The following APBB1IP variants were observed in gnomAD, a reference collection of about 807,000 sequenced individuals.
APBB1IP encodes amyloid beta A4 precursor protein-binding family B member 1-interacting protein.
A neutral mutation model predicts 64.9 loss-of-function variants in APBB1IP; 27 were observed. The observed-to-expected ratio is 0.42, with a 90% CI of 0.31 to 0.57. APBB1IP has a LOEUF of 0.57. Among genes scored for constraint, APBB1IP ranks in the 20% least tolerant of loss-of-function variants. APBB1IP has a pLI of 0.20. For synonymous variants in APBB1IP, 392 were observed against 331.0 expected, an observed-to-expected ratio of 1.18 and a Z score of -2.00; for missense variants, 812 against 845.5, an observed-to-expected ratio of 0.96 and a Z score of 0.49.
At chr10:26,464,808 A>G (rs1478645022) in intron 2 of APBB1IP, among the ~76,000 whole-genome samples, 2 of 152,234 alleles carry the variant, frequency 1.3e-5, no homozygotes, top group South Asian at 2.1e-4. Context: ...AGTAGTTAGC[A>G]TTGAACCTGA....
chr10:26,516,292 C>T (rs911957861), intron 8 of APBB1IP, among the ~76,000 whole-genome samples: 3 of 151,912 alleles, frequency 2.0e-5, no homozygotes, highest in South Asian at 4.2e-4. Flanking sequence ...CGGTGGCTCC[C>T]GCCTGTAATC....
chr10:26,537,163 C>A (rs1337481208), intron 10 of APBB1IP, among the ~76,000 whole-genome samples: 3 of 141,086 alleles, frequency 2.1e-5, no homozygotes, highest in African/African-American at 7.4e-5. Context: ...TAGGACCTTT[C>A]CGTCTTTTGT....
At chr10:26,566,521 T>A (rs906481741) in intron 14 of APBB1IP, among the ~76,000 whole-genome samples, 2 of 152,172 alleles carry the variant, frequency 1.3e-5, no homozygotes, top group Admixed American at 6.5e-5. Flanking sequence ...CCCAAAGTGC[T>A]GAGATTATAG....
intron 8 of APBB1IP, among the ~76,000 whole-genome samples, chr10:26,532,728 A>G (rs956294823): frequency 6.6e-6 from 1 of 152,102 alleles, no homozygotes; most frequent in African/African-American, 2.4e-5. Context: ...GGGTTCAAAC[A>G]ATCCTCCTGC....
At chr10:26,547,672 T>A (rs1166356525) in intron 11 of APBB1IP, among the ~76,000 whole-genome samples, 1 of 152,174 alleles carries the variant, frequency 6.6e-6, no homozygotes, top group African/African-American at 2.4e-5. Context: ...CTCGAACCCC[T>A]GACTTCAGGT....
intron 6 of APBB1IP, among the ~76,000 whole-genome samples, chr10:26,506,860 T>C (rs908528977): frequency 6.6e-6 from 1 of 151,936 alleles, no homozygotes; most frequent in Non-Finnish European, 1.5e-5. Flanking sequence ...GAAGAAGTGA[T>C]AGAGAGTACC....
chr10:26,492,953 G>A lies in APBB1IP; in HGVS notation c.72+555G>A, dbSNP rs978278750. On this transcript the variant is annotated intron_variant, in intron 3 of 14. Coordinates refer to ENST00000376236, the MANE Select transcript of APBB1IP (RefSeq NM_019043.4). The stretch of plus-strand genomic sequence containing the variant: ...TCCTAGCAACCCTGGGGGCGCTGCA[G>A]GAGGCCAGGGCATGTTTCATCCGTT... Among the ~76,000 whole-genome samples, 7 of 152,202 alleles carry A rather than the reference G, an allele frequency of 4.6e-5. No homozygotes were observed. The East Asian group carries it at 1.3e-3, about 29-fold the overall frequency.
At chr10:26,509,958 T>G (rs2132444490) in intron 6 of APBB1IP, among the ~76,000 whole-genome samples, 1 of 152,254 alleles carries the variant, frequency 6.6e-6, no homozygotes, top group African/African-American at 2.4e-5. Flanking sequence ...TAAGATCTTT[T>G]TTGTTGTTGT....
At chr10:26,458,221 C>T (rs1031315687) in intron 2 of APBB1IP, among the ~76,000 whole-genome samples, 1 of 152,176 alleles carries the variant, frequency 6.6e-6, no homozygotes, top group Non-Finnish European at 1.5e-5. Flanking sequence ...AACCGCGTCT[C>T]TATTGAAAAT....
chr10:26,527,984 G>A (rs145422021), intron 8 of APBB1IP, among the ~76,000 whole-genome samples: 81 of 152,182 alleles, frequency 5.3e-4, no homozygotes, highest in African/African-American at 1.6e-3. Context: ...GAGCCGCTGC[G>A]CCTGGCCCCA....
intron 6 of APBB1IP, among the ~76,000 whole-genome samples, chr10:26,504,776 G>A (rs1356558860): frequency 1.3e-5 from 2 of 151,982 alleles, no homozygotes; most frequent in East Asian, 1.9e-4. Context: ...AGTCTTCATC[G>A]TGTTTTGTTT....
intron 11 of APBB1IP, among the ~76,000 whole-genome samples, chr10:26,553,055 T>G (rs572605692): frequency 5.9e-5 from 9 of 152,216 alleles, no homozygotes; most frequent in Admixed American, 5.9e-4. Flanking sequence ...GGAGTCTCGC[T>G]CTGTCGCCCA....
At chr10:26,443,532 CTTTA>C (rs71401892) in intron 2 of APBB1IP, among the ~76,000 whole-genome samples, 3,176 of 151,282 alleles carry the variant, frequency 0.021, 58 homozygotes, top group Middle Eastern at 0.034. Context: ...GTCATCTCCA[CTTTA>C]TTTATTTATT....
intron 2 of APBB1IP, among the ~76,000 whole-genome samples, chr10:26,488,053 T>G (rs1835912791): frequency 6.6e-6 from 1 of 152,198 alleles, no homozygotes; most frequent in South Asian, 2.1e-4. Flanking sequence ...ACTATTGTAC[T>G]CAGATAGAAA....
At chr10:26,470,791 G>A (rs1338917690) in intron 2 of APBB1IP, among the ~76,000 whole-genome samples, 4 of 151,966 alleles carry the variant, frequency 2.6e-5, no homozygotes, top group African/African-American at 7.3e-5. Flanking sequence ...CCAAACCCAC[G>A]GTCAGAGTCA....
intron 8 of APBB1IP, 71 bp downstream of exon 8, chr10:26,513,731 C>CAAAGGCTGGAGACAGGGTCTG: frequency 1.3e-6 from 2 of 1,494,918 alleles, no homozygotes; most frequent in Non-Finnish European, 1.8e-6. Flanking sequence ...GACGGAGTCT[C>CAAAGGCTGGAGACAGGGTCTG]AAAGGCTGGA....
chr10:26,516,971 C>T (rs1836339663), intron 8 of APBB1IP, among the ~76,000 whole-genome samples: 1 of 152,112 alleles, frequency 6.6e-6, no homozygotes, highest in Admixed American at 6.5e-5. Context: ...CTTTGCAGCC[C>T]CGTTCCCAGT....
Position 26,567,267 on chromosome 10 carries a change from G to C in APBB1IP, c.1780G>C (p.Ala594Pro). The C allele has an allele frequency of 3.2e-6, 4 of 1,260,578 alleles. No individual in the cohort carries two copies. The allele number at this position is 1,260,578 out of a possible 1,614,324, so 78.1% of individuals were successfully genotyped here. Residue 594 changes from alanine (A) to proline (P), a missense_variant, in exon 15 of 15, where the codon GCG (alanine) becomes CCG (proline). Coordinates refer to ENST00000376236, the MANE Select transcript of APBB1IP (RefSeq NM_019043.4). ...PPPPPSYAGI[A>P]GSELPPPPPP... is the part of the protein sequence containing the mutation. The stretch of plus-strand genomic sequence containing the variant: ...GCCCCCGCCGTCGTACGCAGGGATC[G>C]CGGGCTCAGAGCTGCCCCCGCCGCC...
At chr10:26,456,865 A>G (rs1236186352) in intron 2 of APBB1IP, among the ~76,000 whole-genome samples, 2 of 152,056 alleles carry the variant, frequency 1.3e-5, no homozygotes, top group African/African-American at 4.8e-5. Flanking sequence ...CAGAATCCTG[A>G]TAAGATGTGG....
Sources: allele counts gnomAD v4.1 joint callset (sites outside exome capture counted in the v4.1 genomes callset), GRCh38; gene constraint gnomAD v4.1.1; transcripts MANE v1.5; gene names NCBI Gene and HGNC (gene_info 2026-07-23, HGNC 2026-07-21).